EFCAB11: variants seen among roughly 807,000 people sequenced by gnomAD.
EFCAB11 encodes EF-hand calcium-binding domain-containing protein 11.
EFCAB11 carries 14 observed loss-of-function variants against 23.0 expected under a neutral mutation model. The ratio of observed to expected loss-of-function variants is 0.61; its 90% CI spans 0.40 to 0.95. The LOEUF (loss-of-function observed/expected upper bound fraction) is 0.95. Among genes scored for constraint, EFCAB11 ranks in the 40% least tolerant of loss-of-function variants. EFCAB11 has a pLI of 0.00. For missense variants in EFCAB11, 198 were observed against 195.8 expected (o/e 1.01, Z -0.07); for synonymous variants, 65 against 66.6 (o/e 0.98, Z 0.11).
chr14:89,873,234 T>C (rs1413433832), intron 5 of EFCAB11, among the ~76,000 whole-genome samples: 2 of 152,070 alleles, frequency 1.3e-5, no homozygotes, highest in Non-Finnish European at 2.9e-5. Context: ...GGAACTCCCG[T>C]TTATAAAACC....
chr14:89,904,458 T>C (rs1231461247), intron 5 of EFCAB11, among the ~76,000 whole-genome samples: 3 of 152,192 alleles, frequency 2.0e-5, no homozygotes, highest in Non-Finnish European at 4.4e-5. Flanking sequence ...GTTTTTATCG[T>C]AGAATGATTT....
intron 5 of EFCAB11, among the ~76,000 whole-genome samples, chr14:89,849,862 A>G (rs145568934): frequency 1.2e-4 from 18 of 152,186 alleles, no homozygotes; most frequent in African/African-American, 4.1e-4. Context: ...CAGCAGGATT[A>G]ATGGGTTAAC....
At chr14:89,888,763 C>T (rs2140185644) in intron 5 of EFCAB11, among the ~76,000 whole-genome samples, 1 of 152,272 alleles carries the variant, frequency 6.6e-6, no homozygotes, top group East Asian at 1.9e-4. Context: ...TTTGCCAGCT[C>T]CTTGCTCTTG....
intron 5 of EFCAB11, among the ~76,000 whole-genome samples, chr14:89,813,335 T>TA: frequency 1.3e-5 from 2 of 152,202 alleles, no homozygotes; most frequent in East Asian, 3.9e-4. Context: ...CCTAAGAAGA[T>TA]AAAAGTGAAG....
At chr14:89,896,419 G>C (rs533041896) in intron 5 of EFCAB11, among the ~76,000 whole-genome samples, 195 of 152,182 alleles carry the variant, frequency 1.3e-3, no homozygotes, top group African/African-American at 4.6e-3. Context: ...GCAAGAGTTG[G>C]AGAGGATGCC....
At chr14:89,925,040 A>G (rs980720107) in intron 5 of EFCAB11, among the ~76,000 whole-genome samples, 9 of 152,266 alleles carry the variant, frequency 5.9e-5, no homozygotes. Context: ...GAAAAAATAC[A>G]TAACAATAAA....
At chr14:89,885,291 T>C (rs947193458) in intron 5 of EFCAB11, among the ~76,000 whole-genome samples, 1 of 152,112 alleles carries the variant, frequency 6.6e-6, no homozygotes, top group Non-Finnish European at 1.5e-5. Flanking sequence ...AACAAAAGGA[T>C]ATACTTTATT....
At chr14:89,934,936 C>T (rs1890527113) in intron 3 of EFCAB11, among the ~76,000 whole-genome samples, 1 of 152,174 alleles carries the variant, frequency 6.6e-6, no homozygotes, top group South Asian at 2.1e-4. Context: ...CTCAAGGCTT[C>T]CTAGTCAACT....
At chr14:89,952,212 C>A (rs1278524921) in intron 2 of EFCAB11, among the ~76,000 whole-genome samples, 1 of 152,090 alleles carries the variant, frequency 6.6e-6, no homozygotes, top group Non-Finnish European at 1.5e-5. Context: ...CTAAATAGTT[C>A]ATTTGCTTAA....
intron 5 of EFCAB11, among the ~76,000 whole-genome samples, chr14:89,807,435 T>G (rs1386064475): frequency 6.6e-6 from 1 of 152,134 alleles, no homozygotes; most frequent in Non-Finnish European, 1.5e-5. Context: ...GTAGGAAAGA[T>G]TACATATTTC....
At chr14:89,935,363 T>C (rs974680957) in intron 3 of EFCAB11, among the ~76,000 whole-genome samples, 2 of 151,606 alleles carry the variant, frequency 1.3e-5, no homozygotes, top group African/African-American at 4.8e-5. Flanking sequence ...ATGTTATTTC[T>C]AGTTTTTAGC....
chr14:89,892,463 T>A (rs1159293749), intron 5 of EFCAB11: 1 of 1,526,786 alleles, frequency 6.5e-7, no homozygotes, highest in African/African-American at 1.4e-5. Flanking sequence ...GAGAAAGGGT[T>A]AAAGCAGTCC....
intron 5 of EFCAB11, among the ~76,000 whole-genome samples, chr14:89,832,479 T>C (rs995385877): frequency 2.0e-5 from 3 of 152,206 alleles, no homozygotes; most frequent in African/African-American, 7.2e-5. Context: ...TGATTTCGCA[T>C]GACGCCTATG....
chr14:89,853,271 G>A (rs914272709), intron 5 of EFCAB11, among the ~76,000 whole-genome samples: 4 of 152,186 alleles, frequency 2.6e-5, no homozygotes, highest in Non-Finnish European at 5.9e-5. Context: ...TCACCACGTC[G>A]TGGGCATTCA....
At position 89,901,403 on chromosome 14, in the gene EFCAB11, T is replaced by C. The variant is rs80244920; in HGVS notation, c.410+30138A>G. Reference sequence around the variant, plus strand: ...TCACTAATTGAAATAATAGACATAATCTAGGAAAGTTACTCTAAAATGAAA... The same window carrying C: ...TCACTAATTGAAATAATAGACATAACCTAGGAAAGTTACTCTAAAATGAAA... On this transcript the variant is annotated intron_variant, in intron 5 of 5. Coordinates refer to ENST00000316738, the MANE Select transcript of EFCAB11 (RefSeq NM_145231.4). 7.3e-3 allele frequency among the ~76,000 whole-genome samples: 1,109 copies of C among 152,248 alleles called. 19 individuals are homozygous for C. Among genetic ancestry groups the C allele is most frequent in the African/African-American group, 0.026 (1,069 of 41,534 alleles).
intron 3 of EFCAB11, among the ~76,000 whole-genome samples, chr14:89,936,487 A>T (rs1446672491): frequency 2.0e-5 from 3 of 152,066 alleles, no homozygotes; most frequent in Non-Finnish European, 1.5e-5. Context: ...AACAAAAATT[A>T]CTCCGTATGT....
intron 3 of EFCAB11, among the ~76,000 whole-genome samples, chr14:89,948,860 G>T: frequency 6.7e-6 from 1 of 150,194 alleles, no homozygotes; most frequent in South Asian, 2.1e-4. Flanking sequence ...GTTGGGGAGA[G>T]TTATGGATGG....
intron 5 of EFCAB11, among the ~76,000 whole-genome samples, chr14:89,877,349 T>C (rs1888471969): frequency 6.6e-6 from 1 of 152,106 alleles, no homozygotes; most frequent in South Asian, 2.1e-4. Context: ...ACCAAAAGTA[T>C]TTTTGAGTGA....
At chr14:89,813,106 G>A (rs1192784816) in intron 5 of EFCAB11, among the ~76,000 whole-genome samples, 1 of 152,076 alleles carries the variant, frequency 6.6e-6, no homozygotes, top group African/African-American at 2.4e-5. Context: ...ATTAGCAATT[G>A]GAGAAATAAA....
Sources: allele counts gnomAD v4.1 joint callset (sites outside exome capture counted in the v4.1 genomes callset), GRCh38; gene constraint gnomAD v4.1.1; transcripts MANE v1.5; gene names NCBI Gene and HGNC (gene_info 2026-07-23, HGNC 2026-07-21).